The following ATP7A variants were observed in gnomAD, a reference collection of about 807,000 sequenced individuals.
ATP7A encodes the protein copper-transporting ATPase 1.
A neutral mutation model predicts 83.5 loss-of-function variants in ATP7A; 7 were observed. The observed-to-expected ratio is 0.08, with a 90% CI of 0.05 to 0.16. The LOEUF (loss-of-function observed/expected upper bound fraction) is 0.16. Ranked by LOEUF, ATP7A falls within the 10% of genes least tolerant of loss-of-function variation. ATP7A has a pLI of 1.00. For synonymous variants in ATP7A, 354 were observed against 395.2 expected, an observed-to-expected ratio of 0.90 and a Z score of 1.24; for missense variants, 940 against 1,120.8, an observed-to-expected ratio of 0.84 and a Z score of 2.30.
intron 1 of ATP7A, among the ~76,000 whole-genome samples, chrX:77,927,899 G>A (rs1223798950): frequency 4.5e-5 from 5 of 110,825 alleles, no homozygotes; most frequent in South Asian, 3.8e-4. Context: ...TTGTCCTTGC[G>A]ATAGTTTGCT....
At chrX:77,956,726 C>CCTTTCTTTCTTTCTTTCTTTCTTTCTTT (rs202001825) in intron 1 of ATP7A, among the ~76,000 whole-genome samples, 12 of 73,777 alleles carry the variant, frequency 1.6e-4, no homozygotes, top group Non-Finnish European at 2.1e-4. Context: ...TACCCAGTCT[C>CCTTTCTTTCTTTCTTTCTTTCTTTCTTT]CTTTCTTTCT....
At chrX:77,994,159 G>A (rs1005587058) in intron 4 of ATP7A, among the ~76,000 whole-genome samples, 2 of 110,506 alleles carry the variant, frequency 1.8e-5, no homozygotes, top group East Asian at 2.9e-4. Flanking sequence ...TCTGCCTCCC[G>A]GGTTCAAGCA....
intron 1 of ATP7A, chrX:77,963,794 T>C (rs1275935789): frequency 1.8e-5 from 2 of 110,359 alleles, no homozygotes; most frequent in Non-Finnish European, 3.8e-5. Flanking sequence ...AGAGACAAGG[T>C]TTCACCATAT....
At chrX:77,969,650 G>A (rs782456518) in intron 1 of ATP7A, 2 of 1,211,055 alleles carry the variant, frequency 1.7e-6, no homozygotes, top group Non-Finnish European at 2.2e-6. Flanking sequence ...GCGGTGGGCT[G>A]CAATACTTTT....
At chrX:77,981,144 A>G (rs2149078833) in intron 2 of ATP7A, among the ~76,000 whole-genome samples, 1 of 111,633 alleles carries the variant, frequency 9.0e-6, no homozygotes, top group African/African-American at 3.3e-5. Flanking sequence ...TTTTCTTTCT[A>G]TATGGGACTC....
intron 1 of ATP7A, among the ~76,000 whole-genome samples, chrX:77,939,652 T>G (rs1285039134): frequency 1.8e-5 from 2 of 110,789 alleles, no homozygotes; most frequent in Admixed American, 1.9e-4. Context: ...ATATTTGTTT[T>G]CTTGAAACAT....
chrX:77,994,635 G>T (rs931067720), intron 4 of ATP7A, among the ~76,000 whole-genome samples: 2 of 110,565 alleles, frequency 1.8e-5, no homozygotes, highest in Non-Finnish European at 3.8e-5. Context: ...AATTTCCGGG[G>T]CTTAAGCGAT....
rs2078089098 is a variant in ATP7A at position 78,047,283 on chromosome X, T to C, written c.*713T>C. On this transcript the variant is annotated 3_prime_UTR_variant, in exon 23 of 23. Transcript: ENST00000341514. Reference sequence around the variant, plus strand: ...TTTGCTCCTTTTTAAATTTTGTAGCTCAAAAGACCTTAAAGGTCTGTAGGG... The same window carrying C: ...TTTGCTCCTTTTTAAATTTTGTAGCCCAAAAGACCTTAAAGGTCTGTAGGG... 2.7e-5 allele frequency: 3 copies of C among 112,051 alleles called. No individual in the cohort carries two copies. The highest frequency in any genetic ancestry group is 3.8e-5 in the Non-Finnish European group (2 of 53,209). The allele number at this position is 112,051 out of a possible 1,213,427, so 9.2% of individuals were successfully genotyped here.
chrX:77,962,594 A>G (rs1181806494), intron 1 of ATP7A: 1 of 352,870 alleles, frequency 2.8e-6, no homozygotes, highest in Non-Finnish European at 5.5e-6. Flanking sequence ...TCACAGCCCT[A>G]CTTCCTCTCT....
intron 2 of ATP7A, among the ~76,000 whole-genome samples, chrX:77,980,152 C>G (rs1603380036): frequency 8.9e-6 from 1 of 112,240 alleles, no homozygotes; most frequent in Non-Finnish European, 1.9e-5. Context: ...GAGTGCTTTT[C>G]CTTTTTAATT....
chrX:78,001,421 T>A (rs782484484), intron 5 of ATP7A, among the ~76,000 whole-genome samples: 11 of 96,615 alleles, frequency 1.1e-4, no homozygotes, highest in Non-Finnish European at 2.2e-4. Flanking sequence ...GAAAATGGGG[T>A]ATCCATCTCT....
chrX:77,914,788 G>C (rs1382060291), intron 1 of ATP7A, among the ~76,000 whole-genome samples: 2 of 111,217 alleles, frequency 1.8e-5, no homozygotes, highest in Non-Finnish European at 3.8e-5. Context: ...TGTATATTTA[G>C]ATATACTAAA....
At chrX:77,935,099 C>A (rs1276580596) in intron 1 of ATP7A, among the ~76,000 whole-genome samples, 1 of 111,061 alleles carries the variant, frequency 9.0e-6, no homozygotes. Flanking sequence ...CATGAGCCAC[C>A]ACGCTTGGCT....
At chrX:78,026,673 T>C (rs1051937469) in intron 14 of ATP7A, among the ~76,000 whole-genome samples, 3 of 111,760 alleles carry the variant, frequency 2.7e-5, no homozygotes, top group Admixed American at 1.9e-4. Context: ...CTAACATTGA[T>C]CATCGGCTTG....
At chrX:77,922,619 A>G (rs186197833) in intron 1 of ATP7A, among the ~76,000 whole-genome samples, 1 of 110,978 alleles carries the variant, frequency 9.0e-6, no homozygotes, top group African/African-American at 3.3e-5. Context: ...ATTATTTCTC[A>G]GTGATAGACC....
At chrX:77,932,841 C>A (rs2077296660) in intron 1 of ATP7A, among the ~76,000 whole-genome samples, 1 of 111,470 alleles carries the variant, frequency 9.0e-6, no homozygotes, top group Non-Finnish European at 1.9e-5. Flanking sequence ...TTGCAGTGAG[C>A]CGAGATGGCA....
chrX:77,980,467 A>G (rs2077598763), intron 2 of ATP7A, among the ~76,000 whole-genome samples: 1 of 109,886 alleles, frequency 9.1e-6, no homozygotes, highest in African/African-American at 3.3e-5. Context: ...AATAAAATAA[A>G]ATAAAAATGA....
intron 6 of ATP7A, among the ~76,000 whole-genome samples, chrX:78,007,270 C>G (rs889445533): frequency 1.8e-5 from 2 of 111,895 alleles, no homozygotes; most frequent in Non-Finnish European, 3.8e-5. Context: ...TGTTGAGTAT[C>G]TTTTCTTGTG....
intron 1 of ATP7A, among the ~76,000 whole-genome samples, chrX:77,916,731 T>C (rs1057262941): frequency 1.8e-5 from 2 of 111,891 alleles, no homozygotes; most frequent in Non-Finnish European, 3.8e-5. Flanking sequence ...TAAATTGAAT[T>C]TTTACAAAGC....
Sources: allele counts gnomAD v4.1 joint callset (sites outside exome capture counted in the v4.1 genomes callset), GRCh38; gene constraint gnomAD v4.1.1; transcripts MANE v1.5; gene names NCBI Gene and HGNC (gene_info 2026-07-23, HGNC 2026-07-21).